NLRP4: variants seen among roughly 807,000 people sequenced by gnomAD.
The protein encoded by NLRP4 is NACHT, LRR and PYD domains-containing protein 4.
A neutral mutation model predicts 84.7 loss-of-function variants in NLRP4; 44 were observed. That is an observed-to-expected ratio of 0.52 (90% CI 0.41 to 0.67). NLRP4 has a LOEUF of 0.67. Ranked by LOEUF, NLRP4 falls within the 30% of genes least tolerant of loss-of-function variation. The pLI is 0.00. For synonymous variants in NLRP4, 544 were observed against 476.4 expected (o/e 1.14, Z -1.85); for missense variants, 1,260 against 1,219.4 (o/e 1.03, Z -0.50).
chr19:55,863,550 A>T (rs1984843066), intron 5 of NLRP4, among the ~76,000 whole-genome samples: 1 of 152,106 alleles, frequency 6.6e-6, no homozygotes, highest in Non-Finnish European at 1.5e-5. Context: ...GCTCTAGGGG[A>T]TGGTGGTAAA....
At position 55,859,957 on chromosome 19, in the gene NLRP4, A is replaced by AAAAAC. The variant is rs1417991677; in HGVS notation, c.1856+708_1856+709insAAAAC. On this transcript the variant is annotated intron_variant, in intron 3 of 9. Coordinates refer to ENST00000301295, the MANE Select transcript of NLRP4 (RefSeq NM_134444.5). ...AAAAAAAAAAAAAAAAAAAAACAAAACACAAATCATACAAATTTTCTTCTT... is the reference window on the plus strand; with the variant it reads ...AAAAAAAAAAAAAAAAAAAAACAAAAAAAACCACAAATCATACAAATTTTCTTCTT... Among the ~76,000 whole-genome samples, 27 of 138,602 alleles carry AAAAAC rather than the reference A, an allele frequency of 1.9e-4. 1 individual carries two copies. Among genetic ancestry groups the AAAAAC allele is most frequent in the African/African-American group, 6.1e-4 (23 of 37,510 alleles). 90.9% of individuals were successfully genotyped at this position (138,602 alleles called of 152,430 possible).
chr19:55,845,744 T>C (rs1307150225), intron 1 of NLRP4, among the ~76,000 whole-genome samples: 2 of 151,436 alleles, frequency 1.3e-5, no homozygotes, highest in African/African-American at 4.9e-5. Context: ...TGGTATCTCA[T>C]TGTGGTTTTG....
At chr19:55,838,598 AATG>A (rs1983487194) in intron 1 of NLRP4, among the ~76,000 whole-genome samples, 1 of 152,088 alleles carries the variant, frequency 6.6e-6, no homozygotes, top group Non-Finnish European at 1.5e-5. Flanking sequence ...AAAAGAAAAA[AATG>A]ATGTGATTTT....
At position 55,858,511 on chromosome 19, in the gene NLRP4, C is replaced by T. The variant is rs1280225944; in HGVS notation, c.1118C>T (p.Ser373Phe). 6.2e-7 allele frequency: 1 copy of T among 1,614,168 alleles called. No homozygotes were observed. The highest frequency in any genetic ancestry group is 1.7e-5 in the Admixed American group (1 of 60,020). ...TGCCAGAGCACTACCTCTGTGTACT[C>T]CTCTTTCGTCTTTAACCTGTTCACA... is the stretch of plus-strand genomic sequence containing the variant. Reference protein sequence around the residue: ...LTCQSTTSVYSSFVFNLFTPE... With the variant: ...LTCQSTTSVYFSFVFNLFTPE... Residue 373 changes from serine (S) to phenylalanine (F), a missense_variant, in exon 3 of 10, where the codon TCC (serine) becomes TTC (phenylalanine). Ser to Phe is a radical substitution (Grantham distance 155). This residue lies in a region of NLRP4 where 712 missense variants were observed against 669.2 expected (regional missense o/e 1.06). Coordinates refer to ENST00000301295, the MANE Select transcript of NLRP4 (RefSeq NM_134444.5). This position sits in a 1 kb window ranked among gnomAD's most constrained non-coding sequence, Gnocchi z 4.2.
chr19:55,876,975 G>C, intron 7 of NLRP4, 21 bp from the exon 8 acceptor site: 1 of 1,603,544 alleles, frequency 6.2e-7, no homozygotes, highest in Non-Finnish European at 8.5e-7. Flanking sequence ...CTTTAAGCAT[G>C]GTACCCTTAC....
At chr19:55,868,825 G>A (rs955939025) in intron 6 of NLRP4, among the ~76,000 whole-genome samples, 1 of 152,112 alleles carries the variant, frequency 6.6e-6, no homozygotes, top group African/African-American at 2.4e-5. Flanking sequence ...GATAGGGGAG[G>A]ATGGAGATTT....
chr19:55,864,263 A>G (rs995553472), intron 5 of NLRP4, among the ~76,000 whole-genome samples: 6 of 152,186 alleles, frequency 3.9e-5, no homozygotes, highest in African/African-American at 1.4e-4. Flanking sequence ...AATTACTAAC[A>G]TACTTTCAGT....
intron 2 of NLRP4, among the ~76,000 whole-genome samples, chr19:55,855,254 C>G (rs1281817625): frequency 6.6e-6 from 1 of 152,122 alleles, no homozygotes; most frequent in African/African-American, 2.4e-5. Flanking sequence ...GCACATGGAA[C>G]CATTTTAGAA....
At chr19:55,845,857 C>A (rs1983775280) in intron 1 of NLRP4, among the ~76,000 whole-genome samples, 1 of 124,854 alleles carries the variant, frequency 8.0e-6, no homozygotes, top group Non-Finnish European at 1.5e-5. Context: ...ATCCTTTGCC[C>A]ACTTTTTGAT....
In NLRP4 at chr19:55,849,976, TGCG is replaced by T. The variant is rs1568658267; in HGVS notation, c.-65-2038_-65-2036del. On this transcript the variant is annotated intron_variant, in intron 1 of 9. Coordinates refer to ENST00000301295, the MANE Select transcript of NLRP4 (RefSeq NM_134444.5). ...GAGACTGCGGTGTAATTTCCGTAGC[TGCG>T]GTGTAATTTCCGAGACTGCGGTGTG... is the stretch of plus-strand genomic sequence containing the variant. 1.0e-3 allele frequency among the ~76,000 whole-genome samples: 121 copies of T among 118,834 alleles called. 8 individuals carry two copies. The East Asian group carries it at 0.028, about 28-fold the overall frequency. 78.0% of individuals were successfully genotyped at this position (118,834 alleles called of 152,430 possible).
rs1201373287 is a variant in NLRP4 at position 55,837,996 on chromosome 19, A to G, written c.-66+1062A>G. On this transcript the variant is annotated intron_variant, in intron 1 of 9. Transcript: ENST00000301295. ...GATTGCAGTGTGCCGAGATTGCACC[A>G]TTGCACTCCAGCCTGGGTGACAGAA... is the stretch of plus-strand genomic sequence containing the variant. 2.2e-5 allele frequency among the ~76,000 whole-genome samples: 3 copies of G among 134,002 alleles called. No homozygotes were observed. In the Admixed American group the frequency reaches 2.3e-4, roughly 10 times the overall value. 87.9% of individuals were successfully genotyped at this position (134,002 alleles called of 152,430 possible). A position where few individuals can be genotyped will look rare whatever the true frequency, so the allele number is the denominator to read the frequency against.
At chr19:55,849,797 C>T (rs1048054136) in intron 1 of NLRP4, among the ~76,000 whole-genome samples, 8 of 149,498 alleles carry the variant, frequency 5.4e-5, no homozygotes, top group East Asian at 1.9e-4. Context: ...TCCAAAGCTG[C>T]GGTGTAATTT....
intron 7 of NLRP4, among the ~76,000 whole-genome samples, chr19:55,873,385 A>G (rs1985260928): frequency 6.6e-6 from 1 of 152,226 alleles, no homozygotes; most frequent in Non-Finnish European, 1.5e-5. Flanking sequence ...CCCGATCCAA[A>G]AAAGAACAAG....
At chr19:55,847,515 A>G (rs1203292633) in intron 1 of NLRP4, among the ~76,000 whole-genome samples, 1 of 152,108 alleles carries the variant, frequency 6.6e-6, no homozygotes, top group East Asian at 1.9e-4. Flanking sequence ...TGTTTTTAGT[A>G]TCTTTTAAAA....
chr19:55,852,495 T>G (rs1984205578), intron 2 of NLRP4, 135 bp downstream of exon 2: 5 of 561,742 alleles, frequency 8.9e-6, no homozygotes, highest in East Asian at 3.4e-5. Context: ...TTTTTTTTTT[T>G]GGTAGACGGA....
At chr19:55,864,529 A>G (rs1984879491) in intron 5 of NLRP4, among the ~76,000 whole-genome samples, 2 of 152,124 alleles carry the variant, frequency 1.3e-5, no homozygotes, top group Non-Finnish European at 2.9e-5. Flanking sequence ...CTCTATGAAC[A>G]CTCATGTGTG....
At chr19:55,872,919 C>CG (rs199652796) in intron 7 of NLRP4, among the ~76,000 whole-genome samples, 1,717 of 151,610 alleles carry the variant, frequency 0.011, 27 homozygotes, top group Middle Eastern at 0.034. Flanking sequence ...GAGCTTGGGG[C>CG]GGGGGAAAGT....
Position 55,861,511 on chromosome 19 carries a change from A to G in NLRP4, c.1982A>G (p.Gln661Arg), listed in dbSNP as rs1984753894. Reference sequence around the variant, plus strand: ...TCGACCTTTGTGACCTGGTGTAACCAGCTGAGGCATCCCAGCTGTCGCCTT... The same window carrying G: ...TCGACCTTTGTGACCTGGTGTAACCGGCTGAGGCATCCCAGCTGTCGCCTT... ...SESTFVTWCN[Q>R]LRHPSCRLQK... is the part of the protein sequence containing the mutation. Residue 661 changes from glutamine (Q) to arginine (R), a missense_variant, in exon 4 of 10, where the codon CAG becomes CGG. This residue lies in a region of NLRP4 where 544 missense variants were observed against 531.7 expected (regional missense o/e 1.02). Coordinates refer to ENST00000301295, the MANE Select transcript of NLRP4 (RefSeq NM_134444.5). 3 of 1,614,028 alleles carry G rather than the reference A, an allele frequency of 1.9e-6. No individual in the cohort carries two copies. Among genetic ancestry groups the G allele is most frequent in the Admixed American group, 1.7e-5 (1 of 59,992 alleles).
intron 1 of NLRP4, among the ~76,000 whole-genome samples, chr19:55,845,496 T>G (rs1461345454): frequency 6.6e-6 from 1 of 152,042 alleles, no homozygotes; most frequent in Non-Finnish European, 1.5e-5. Flanking sequence ...TACGTGTGCA[T>G]GTGTCTTTAT....
Sources: gnomAD v4.1 joint callset for allele counts (sites outside exome capture counted in the v4.1 genomes callset) on GRCh38, gnomAD v4.1.1 for gene constraint, gnomAD v4.1.1 regional missense constraint, Gnocchi (gnomAD v3.1) non-coding constraint, MANE v1.5 for transcripts, NCBI Gene and HGNC (gene_info 2026-07-23, HGNC 2026-07-21) for gene names.